Variants in OR2M2 observed in about 807,000 individuals in gnomAD.
OR2M2 encodes olfactory receptor family 2 subfamily M member 2.
For missense variants in OR2M2, 467 were observed against 429.9 expected (o/e 1.09, Z -0.76); for synonymous variants, 168 against 151.7 (o/e 1.11, Z -0.79).
Position 248,176,124 on chromosome 1 carries a change from G to A in OR2M2, c.-19+1253G>A, listed in dbSNP as rs34746324. On this transcript the variant is annotated intron_variant, in intron 1 of 1. Coordinates refer to ENST00000641836, the MANE Select transcript of OR2M2 (RefSeq NM_001004688.2). ...TAGCAACCTCAGTGGATTACACAGC[G>A]GATTACACATGCTGTCTGACATTAT... Among the ~76,000 whole-genome samples, 180 of 152,154 alleles carry A rather than the reference G, an allele frequency of 1.2e-3. 1 individual carries two copies. Among genetic ancestry groups the A allele is most frequent in the African/African-American group, 3.0e-3 (124 of 41,536 alleles).
chr1:248,178,151 T>C (rs946722478), intron 1 of OR2M2, among the ~76,000 whole-genome samples: 4 of 152,168 alleles, frequency 2.6e-5, no homozygotes, highest in Admixed American at 2.6e-4. Context: ...TTTAAAAAAT[T>C]GTATTTCACC....
At position 248,180,153 on chromosome 1, in the gene OR2M2, C is replaced by T. The variant is rs138681109; in HGVS notation, c.168C>T (p.His56=). The T allele has an allele frequency of 6.2e-7, 1 of 1,614,148 alleles. No individual in the cohort carries two copies. Among genetic ancestry groups the T allele is most frequent in the African/African-American group, 1.3e-5 (1 of 75,016 alleles). ...TCATCTACCTGGACACCCAGCTCCA[C>T]ACCCCCATGTACTTCCTCCTCAGCC... ...VLLIYLDTQL[H]TPMYFLLSQL... The change falls in exon 2 of 2, where the codon CAC becomes CAT. Residue 56 remains histidine (H), a synonymous_variant. Coordinates refer to ENST00000641836, the MANE Select transcript of OR2M2 (RefSeq NM_001004688.2).
chr1:248,175,424 C>T (rs1464624543), intron 1 of OR2M2, among the ~76,000 whole-genome samples: 1 of 152,072 alleles, frequency 6.6e-6, no homozygotes, highest in Non-Finnish European at 1.5e-5. Context: ...AAATTACCTT[C>T]AGGCTATGTG....
rs1306259974 is a variant in OR2M2, at chr1:248,174,872, G to A, written c.-19+1G>A. Reference sequence around the variant, plus strand: ...ACACTATTCAGATCAGTACTAAGAGGTAAGTTAACTAAGCCCAAGCAAGAC... The same window carrying A: ...ACACTATTCAGATCAGTACTAAGAGATAAGTTAACTAAGCCCAAGCAAGAC... On this transcript the variant is annotated splice_donor_variant, in intron 1 of 1. Transcript: ENST00000641836. LOFTEE classifies it low-confidence loss of function (5UTR_SPLICE). The A allele has an allele frequency of 6.6e-6, 1 of 152,130 alleles. No individual in the cohort carries two copies. The highest frequency in any genetic ancestry group is 1.9e-4 in the East Asian group (1 of 5,192). The allele number at this position is 152,130 out of a possible 1,614,324, so 9.4% of individuals were successfully genotyped here.
At chr1:248,179,413 G>GA (rs896698180) in intron 1 of OR2M2, among the ~76,000 whole-genome samples, 1 of 152,146 alleles carries the variant, frequency 6.6e-6, no homozygotes, top group African/African-American at 2.4e-5. Context: ...ATGCATAATT[G>GA]AAAATCTTTC....
rs773009672 is a variant in OR2M2, at chr1:248,180,558, C to T, written c.573C>T (p.Asp191=). The part of the protein sequence containing the change: ...FPSLLILSCN[D]TSIFEEVIFI... ...CCCTACTAATCCTCTCATGCAATGACACATCAATATTTGAAGAGGTTATTT... is the reference window on the plus strand; with the variant it reads ...CCCTACTAATCCTCTCATGCAATGATACATCAATATTTGAAGAGGTTATTT... Residue 191 remains aspartate, a synonymous_variant, in exon 2 of 2, where the codon GAC becomes GAT. Coordinates refer to ENST00000641836, the MANE Select transcript of OR2M2 (RefSeq NM_001004688.2). The T allele has an allele frequency of 2.5e-6, 4 of 1,613,904 alleles. No individual in the cohort carries two copies. In the East Asian group the frequency reaches 6.7e-5, roughly 27 times the overall value.
chr1:248,180,931 C>G lies in OR2M2; in HGVS notation c.946C>G (p.His316Asp), dbSNP rs375213372. 6.2e-7 allele frequency: 1 copy of G among 1,614,028 alleles called. No individual in the cohort carries two copies. Among genetic ancestry groups the G allele is most frequent in the Admixed American group, 1.7e-5 (1 of 60,012 alleles). ...GGGCAAGTCTGAGAGTGAGTTACCT[C>G]ATAAACTTTATGTTTTGCTGTTTGC... ...GKGKSESELP[H>D]KLYVLLFAKF... The change falls in exon 2 of 2, where the codon CAT becomes GAT. Residue 316 changes from histidine (H) to aspartate (D), a missense_variant. By Grantham distance (81) the His-to-Asp change is moderately conservative (BLOSUM62 -1). Coordinates refer to ENST00000641836, the MANE Select transcript of OR2M2 (RefSeq NM_001004688.2).
rs760983255 is a variant in OR2M2, at chr1:248,180,936, A to C, written c.951A>C (p.Lys317Asn). The stretch of plus-strand genomic sequence containing the variant: ...AGTCTGAGAGTGAGTTACCTCATAA[A>C]CTTTATGTTTTGCTGTTTGCTAAAT... ...KGKSESELPH[K>N]LYVLLFAKFF... is the part of the protein sequence containing the mutation. Residue 317 changes from lysine to asparagine, a missense_variant, in exon 2 of 2, where the codon AAA becomes AAC. Physicochemically the swap from Lys to Asn is moderately conservative, Grantham distance 94 (BLOSUM62 0). Coordinates refer to ENST00000641836, the MANE Select transcript of OR2M2 (RefSeq NM_001004688.2). 5.0e-6 allele frequency: 8 copies of C among 1,613,910 alleles called. No individual in the cohort carries two copies. In the South Asian group the frequency reaches 8.8e-5, roughly 18 times the overall value.
At chr1:248,177,856 G>A (rs1166385840) in intron 1 of OR2M2, 1 of 152,026 alleles carries the variant, frequency 6.6e-6, no homozygotes, top group Non-Finnish European at 1.5e-5. Flanking sequence ...AAACCGGAAT[G>A]GAAGTTGAGA....
chr1:248,180,895 A>G lies in OR2M2; in HGVS notation c.910A>G (p.Ile304Val). 6.2e-7 allele frequency: 1 copy of G among 1,614,102 alleles called. No individual in the cohort carries two copies. The highest frequency in any genetic ancestry group is 2.2e-5 in the East Asian group (1 of 44,872). Residue 304 changes from isoleucine to valine, a missense_variant, in exon 2 of 2, where the codon ATC (isoleucine) becomes GTC (valine). Physicochemically the swap from Ile to Val is conservative, Grantham distance 29. Transcript: ENST00000641836. ...GGAGGTGACTAGAGCATTCATGAAG[A>G]TCTTAGGAAAGGGCAAGTCTGAGAG... ...NKEVTRAFMK[I>V]LGKGKSESEL...
chr1:248,179,051 T>A (rs904077734), intron 1 of OR2M2, among the ~76,000 whole-genome samples: 1 of 152,176 alleles, frequency 6.6e-6, no homozygotes, highest in African/African-American at 2.4e-5. Flanking sequence ...GTCAGCAGTG[T>A]TGGTTATTTC....
At chr1:248,178,422 G>A (rs73141301) in intron 1 of OR2M2, among the ~76,000 whole-genome samples, 8,379 of 151,934 alleles carry the variant, frequency 0.055, 256 homozygotes, top group East Asian at 0.089. Context: ...TATCTCATAC[G>A]ATAAAAACTA....
chr1:248,176,571 T>TA (rs1336922392), intron 1 of OR2M2, among the ~76,000 whole-genome samples: 1 of 152,104 alleles, frequency 6.6e-6, no homozygotes, highest in East Asian at 1.9e-4. Context: ...TGAAAAAAAA[T>TA]AAAAAACAAG....
In OR2M2 at chr1:248,180,970, C is replaced by A. The variant is rs754491551; in HGVS notation, c.985C>A (p.Leu329Ile). 2.5e-6 allele frequency: 4 copies of A among 1,613,638 alleles called. No individual in the cohort carries two copies. The South Asian group carries it at 4.4e-5, about 18-fold the overall frequency. Residue 329 changes from leucine (L) to isoleucine (I), a missense_variant, in exon 2 of 2, where the codon CTA (leucine) becomes ATA (isoleucine). Leu to Ile is a conservative substitution (Grantham distance 5). Coordinates refer to ENST00000641836, the MANE Select transcript of OR2M2 (RefSeq NM_001004688.2). Reference sequence around the variant, plus strand: ...TTTGCTGTTTGCTAAATTCTTCTTTCTAATATCCATCTTTTTCTATGATGT... The same window carrying A: ...TTTGCTGTTTGCTAAATTCTTCTTTATAATATCCATCTTTTTCTATGATGT... ...YVLLFAKFFF[L>I]ISIFFYDVKI...
Position 248,181,031 on chromosome 1 carries a change from A to G in OR2M2, c.*2A>G, listed in dbSNP as rs1469130814. 4 of 1,570,704 alleles carry G rather than the reference A, an allele frequency of 2.5e-6. No individual in the cohort carries two copies. Among genetic ancestry groups the G allele is most frequent in the Admixed American group, 3.5e-5 (2 of 57,114 alleles). On this transcript the variant is annotated 3_prime_UTR_variant, in exon 2 of 2. Coordinates refer to ENST00000641836, the MANE Select transcript of OR2M2 (RefSeq NM_001004688.2). ...GCATTGATTATGTACATTGCCTAAC[A>G]TATTTATGGGCACCTATACAATTTA... is the stretch of plus-strand genomic sequence containing the variant.
rs776463824 is a variant in OR2M2, at chr1:248,179,954, T to C, written c.-18-14T>C. ...AATGTTTACCAAATTAATAAGATGGTTTTGTGGTACTAGGTAAAAAGCACA... is the reference window on the plus strand; with the variant it reads ...AATGTTTACCAAATTAATAAGATGGCTTTGTGGTACTAGGTAAAAAGCACA... On this transcript the variant is annotated splice_polypyrimidine_tract_variant and intron_variant, in intron 1 of 1. Transcript: ENST00000641836. 6.4e-7 allele frequency: 1 copy of C among 1,574,130 alleles called. No individual in the cohort carries two copies. The highest frequency in any genetic ancestry group is 8.6e-7 in the Non-Finnish European group (1 of 1,160,386).
chr1:248,177,468 G>C (rs1273176549), intron 1 of OR2M2, among the ~76,000 whole-genome samples: 1 of 152,034 alleles, frequency 6.6e-6, no homozygotes, highest in Non-Finnish European at 1.5e-5. Flanking sequence ...AAAAATTATG[G>C]TGGAAATTTA....
chr1:248,179,163 G>A (rs1416716806), intron 1 of OR2M2, among the ~76,000 whole-genome samples: 2 of 152,084 alleles, frequency 1.3e-5, no homozygotes, highest in Non-Finnish European at 1.5e-5. Context: ...CATCACTCCA[G>A]TCGCTGCCTC....
chr1:248,178,305 G>A (rs946322388), intron 1 of OR2M2, among the ~76,000 whole-genome samples: 2 of 151,998 alleles, frequency 1.3e-5, no homozygotes, highest in African/African-American at 2.4e-5. Flanking sequence ...GCACATTTCT[G>A]TCTAATGAAC....
Sources: gnomAD v4.1 joint callset for allele counts (sites outside exome capture counted in the v4.1 genomes callset) on GRCh38, gnomAD v4.1.1 for gene constraint, MANE v1.5 for transcripts, NCBI Gene and HGNC (gene_info 2026-07-23, HGNC 2026-07-21) for gene names.